Variants in CFAP61 observed in about 807,000 individuals in gnomAD.
CFAP61 encodes the protein cilia and flagella associated protein 61, also known as cilia- and flagella-associated protein 61.
In CFAP61, 107 loss-of-function variants were observed where a neutral mutation model predicts 135.6. The observed-to-expected ratio is 0.79, with a 90% CI of 0.67 to 0.93. CFAP61 has a LOEUF of 0.93. CFAP61 is among the 40% of genes least tolerant of loss of function. The pLI is 0.00. For synonymous variants in CFAP61, 575 were observed against 578.5 expected (o/e 0.99, Z 0.09); for missense variants, 1,507 against 1,556.2 (o/e 0.97, Z 0.53).
At chr20:20,347,704 G>T (rs750707287) in intron 26 of CFAP61, among the ~76,000 whole-genome samples, 1 of 152,100 alleles carries the variant, frequency 6.6e-6, no homozygotes, top group Non-Finnish European at 1.5e-5. Context: ...GGAGGCCAAG[G>T]TGGGCCGATC....
chr20:20,255,855 G>C (rs1010296644), intron 20 of CFAP61, among the ~76,000 whole-genome samples: 1 of 152,198 alleles, frequency 6.6e-6, no homozygotes, highest in Non-Finnish European at 1.5e-5. Context: ...GGGCAGCCTT[G>C]TGACTGCCTC....
chr20:20,212,273 C>T (rs1291698965), intron 17 of CFAP61, among the ~76,000 whole-genome samples: 4 of 152,296 alleles, frequency 2.6e-5, no homozygotes, highest in African/African-American at 9.6e-5. Context: ...AGATGCTTCT[C>T]ATGACTCTCT....
intron 3 of CFAP61, among the ~76,000 whole-genome samples, chr20:20,073,379 G>C (rs552249470): frequency 6.6e-6 from 1 of 152,222 alleles, no homozygotes; most frequent in Admixed American, 6.5e-5. Flanking sequence ...AATTCTTTCC[G>C]AGTGCTTCTG....
At chr20:20,235,674 T>A (rs529279958) in intron 18 of CFAP61, among the ~76,000 whole-genome samples, 8 of 152,160 alleles carry the variant, frequency 5.3e-5, no homozygotes, top group Non-Finnish European at 5.9e-5. Context: ...AGGGCCATAA[T>A]TCTTTTATCT....
Position 20,092,477 on chromosome 20 carries a change from A to G in CFAP61, c.699+1501A>G, listed in dbSNP as rs374195026. Among the ~76,000 whole-genome samples, 3 of 152,326 alleles carry G rather than the reference A, an allele frequency of 2.0e-5. No homozygotes were observed. The East Asian group carries it at 5.8e-4, about 29-fold the overall frequency. ...ACTTTTCTTGAAACTTGGAATGAAA[A>G]GTTCTCTTACTTGGATGACATGAGC... On this transcript the variant is annotated intron_variant, in intron 7 of 26. Coordinates refer to ENST00000245957, the MANE Select transcript of CFAP61 (RefSeq NM_015585.4).
intron 22 of CFAP61, among the ~76,000 whole-genome samples, chr20:20,286,090 A>G (rs1329677818): frequency 6.6e-6 from 1 of 151,816 alleles, no homozygotes; most frequent in African/African-American, 2.4e-5. Context: ...TTTTTACTGT[A>G]ATACACAAGC....
chr20:20,327,758 C>A (rs2057803525), intron 25 of CFAP61, among the ~76,000 whole-genome samples: 1 of 94,322 alleles, frequency 1.1e-5, no homozygotes, highest in Non-Finnish European at 1.9e-5. Flanking sequence ...CCAGCCTGGG[C>A]AACAGAGCAA....
At chr20:20,160,909 A>C (rs952884834) in intron 10 of CFAP61, among the ~76,000 whole-genome samples, 1 of 151,914 alleles carries the variant, frequency 6.6e-6, no homozygotes, top group Non-Finnish European at 1.5e-5. Context: ...AGGTGGGACC[A>C]CTCTGCACTG....
chr20:20,347,434 A>G (rs1248395362), intron 26 of CFAP61, among the ~76,000 whole-genome samples: 1 of 152,188 alleles, frequency 6.6e-6, no homozygotes, highest in Non-Finnish European at 1.5e-5. Flanking sequence ...ATAAAACCAA[A>G]AGTTAGTTCT....
At chr20:20,249,732 A>G (rs920321964) in intron 19 of CFAP61, among the ~76,000 whole-genome samples, 2 of 152,220 alleles carry the variant, frequency 1.3e-5, no homozygotes, top group African/African-American at 4.8e-5. Flanking sequence ...TCCTGCTGTC[A>G]TTAAAAATAT....
chr20:20,323,915 A>G (rs886128495), intron 25 of CFAP61, among the ~76,000 whole-genome samples: 6 of 152,006 alleles, frequency 3.9e-5, no homozygotes, highest in Non-Finnish European at 7.4e-5. Context: ...ACATGTTCCC[A>G]TTTCTTGAGA....
At chr20:20,093,216 G>A (rs2047329713) in intron 7 of CFAP61, among the ~76,000 whole-genome samples, 1 of 152,146 alleles carries the variant, frequency 6.6e-6, no homozygotes, top group Non-Finnish European at 1.5e-5. Flanking sequence ...CAGTCATAAA[G>A]ACCACGTATT....
At chr20:20,075,298 T>A in intron 5 of CFAP61, 42 bp downstream of exon 5, 1 of 1,595,726 alleles carries the variant, frequency 6.3e-7, no homozygotes, top group Non-Finnish European at 8.6e-7. Context: ...GTAGCAAACA[T>A]TGAAAATTCA....
chr20:20,251,479 T>C (rs2050899281), intron 19 of CFAP61, 116 bp from the exon 20 acceptor site: 1 of 884,074 alleles, frequency 1.1e-6, no homozygotes, highest in African/African-American at 1.7e-5. Flanking sequence ...CCTGGTAAAC[T>C]CACAGCAAGA....
chr20:20,055,572 C>T (rs747940471), intron 1 of CFAP61, among the ~76,000 whole-genome samples: 2 of 152,164 alleles, frequency 1.3e-5, no homozygotes, highest in Non-Finnish European at 2.9e-5. Context: ...GAATTTCCCT[C>T]GCTCGCTTTC....
intron 6 of CFAP61, among the ~76,000 whole-genome samples, chr20:20,080,185 T>G (rs1030674754): frequency 3.9e-5 from 6 of 152,216 alleles, no homozygotes; most frequent in African/African-American, 1.4e-4. Context: ...CATTTTTCTG[T>G]GTATGTAACT....
intron 6 of CFAP61, among the ~76,000 whole-genome samples, chr20:20,080,600 A>G (rs1196188736): frequency 1.3e-5 from 2 of 152,250 alleles, no homozygotes; most frequent in African/African-American, 4.8e-5. Context: ...CTAAGATTTA[A>G]AAATAGATGC....
At chr20:20,055,123 G>A (rs4814934) in intron 1 of CFAP61, among the ~76,000 whole-genome samples, 95,198 of 151,950 alleles carry the variant, frequency 0.63, 30,192 homozygotes, top group East Asian at 0.94. Context: ...TAATAACCAC[G>A]TATTTCATTT....
At chr20:20,226,023 T>C (rs1343089679) in intron 17 of CFAP61, 1 of 152,252 alleles carries the variant, frequency 6.6e-6, no homozygotes, top group Non-Finnish European at 1.5e-5. Flanking sequence ...GTATATTTAT[T>C]ATTTTCATTT....
Sources: gnomAD v4.1 joint callset for allele counts (sites outside exome capture counted in the v4.1 genomes callset) on GRCh38, gnomAD v4.1.1 for gene constraint, MANE v1.5 for transcripts, NCBI Gene and HGNC (gene_info 2026-07-23, HGNC 2026-07-21) for gene names.